MARCHF1: variants seen among roughly 807,000 people sequenced by gnomAD.
MARCHF1 encodes the protein E3 ubiquitin-protein ligase MARCHF1.
A neutral mutation model predicts 54.2 loss-of-function variants in MARCHF1; 40 were observed. That is an observed-to-expected ratio of 0.74 (90% confidence interval 0.57 to 0.96). MARCHF1 has a LOEUF of 0.96. Among genes scored for constraint, MARCHF1 ranks in the 40% least tolerant of loss-of-function variants. The pLI is 0.00. For missense variants in MARCHF1, 586 were observed against 656.5 expected, an observed-to-expected ratio of 0.89 and a Z score of 1.17; for synonymous variants, 236 against 236.3, an observed-to-expected ratio of 1.00 and a Z score of 0.01.
Position 163,720,693 on chromosome 4 carries a change from T to C in MARCHF1, c.112-19830A>G, listed in dbSNP as rs571747816. 3.3e-5 allele frequency among the ~76,000 whole-genome samples: 5 copies of C among 152,342 alleles called. No homozygotes were observed. The South Asian group carries it at 1.0e-3, about 32-fold the overall frequency. On this transcript the variant is annotated intron_variant, in intron 4 of 9. Coordinates refer to ENST00000514618, the MANE Select transcript of MARCHF1 (RefSeq NM_001394959.1). ...TGTTCTTTCATTTGTTTGTGTCCTC[T>C]TTTACTTCACTGAGCTGTGGTTTGT...
At chr4:163,784,070 C>T (rs1561075487) in intron 4 of MARCHF1, among the ~76,000 whole-genome samples, 1 of 151,968 alleles carries the variant, frequency 6.6e-6, no homozygotes, top group Non-Finnish European at 1.5e-5. Flanking sequence ...TGTGTTACAG[C>T]AGCACTCAAT....
chr4:163,557,948 T>G (rs2110965147), intron 8 of MARCHF1, among the ~76,000 whole-genome samples: 1 of 152,296 alleles, frequency 6.6e-6, no homozygotes, highest in East Asian at 1.9e-4. Flanking sequence ...GCAGGAAGGT[T>G]TAATATTCCC....
intron 2 of MARCHF1, among the ~76,000 whole-genome samples, chr4:163,994,364 T>G (rs1353315407): frequency 6.6e-6 from 1 of 150,952 alleles, no homozygotes; most frequent in Non-Finnish European, 1.5e-5. Flanking sequence ...TTCCATATTC[T>G]GAAACTTCAC....
At chr4:164,235,387 A>T (rs1732520553) in intron 1 of MARCHF1, among the ~76,000 whole-genome samples, 1 of 152,172 alleles carries the variant, frequency 6.6e-6, no homozygotes, top group Non-Finnish European at 1.5e-5. Context: ...TCAGAAAATT[A>T]TTGAACCCAA....
chr4:164,127,976 A>G (rs1756221628), intron 1 of MARCHF1, among the ~76,000 whole-genome samples: 1 of 152,210 alleles, frequency 6.6e-6, no homozygotes, highest in Admixed American at 6.5e-5. Flanking sequence ...GCCTCTGTAG[A>G]TAAAATAGGA....
At chr4:163,734,484 G>A (rs1246867258) in intron 4 of MARCHF1, among the ~76,000 whole-genome samples, 1 of 150,900 alleles carries the variant, frequency 6.6e-6, no homozygotes, top group Admixed American at 6.6e-5. Flanking sequence ...ATGAATGAAC[G>A]GCTGACACAC....
rs1320120608 is a variant in MARCHF1 at position 163,613,350 on chromosome 4, C to T, written c.206G>A (p.Arg69Lys). 3 of 1,613,012 alleles carry T rather than the reference C, an allele frequency of 1.9e-6. No homozygotes were observed. The highest frequency in any genetic ancestry group is 3.3e-5 in the Admixed American group (2 of 59,876). Residue 69 changes from arginine to lysine, a missense_variant, in exon 6 of 10, where the codon AGG becomes AAG. Physicochemically the swap from Arg to Lys is conservative, Grantham distance 26 (BLOSUM62 2). Transcript: ENST00000514618. ...CTGAGTGGATGGACAGACAGACAAC[C>T]TTGACTGGCTCCTGGGAGCTGTCCC... ...TTGTAPRSQS[R>K]LSVCPSTQDI... is the part of the protein sequence containing the mutation.
intron 1 of MARCHF1, among the ~76,000 whole-genome samples, chr4:164,218,450 G>A (rs1731993660): frequency 6.6e-6 from 1 of 152,162 alleles, no homozygotes; most frequent in African/African-American, 2.4e-5. Flanking sequence ...CACAGGAAAT[G>A]AAGCAATGAG....
intron 2 of MARCHF1, among the ~76,000 whole-genome samples, chr4:164,033,536 G>T (rs1579476998): frequency 1.3e-5 from 2 of 152,218 alleles, no homozygotes; most frequent in East Asian, 3.9e-4. Context: ...TCTGACAAAG[G>T]TCTAATATCC....
intron 4 of MARCHF1, among the ~76,000 whole-genome samples, chr4:163,702,305 C>G (rs1211955797): frequency 6.6e-6 from 1 of 152,158 alleles, no homozygotes; most frequent in Non-Finnish European, 1.5e-5. Flanking sequence ...AGGCACTTTT[C>G]TACTGACGTC....
At chr4:164,129,683 A>G (rs749827143) in intron 1 of MARCHF1, among the ~76,000 whole-genome samples, 29 of 152,192 alleles carry the variant, frequency 1.9e-4, no homozygotes, top group Non-Finnish European at 3.7e-4. Context: ...ATTCCATAGC[A>G]GTGAGTACAA....
intron 5 of MARCHF1, among the ~76,000 whole-genome samples, chr4:163,628,091 A>G (rs2110980821): frequency 6.6e-6 from 1 of 152,300 alleles, no homozygotes; most frequent in African/African-American, 2.4e-5. Context: ...TAGACAATAT[A>G]AAAATTAAAA....
intron 1 of MARCHF1, among the ~76,000 whole-genome samples, chr4:164,154,559 T>C (rs1301509871): frequency 6.6e-6 from 1 of 152,166 alleles, no homozygotes; most frequent in South Asian, 2.1e-4. Flanking sequence ...GGCTCTCTGT[T>C]CAGCCACCAC....
At chr4:164,081,607 T>C (rs1415159666) in intron 2 of MARCHF1, among the ~76,000 whole-genome samples, 1 of 152,068 alleles carries the variant, frequency 6.6e-6, no homozygotes, top group Admixed American at 6.6e-5. Flanking sequence ...CACAGGGCCT[T>C]TCCTGAGTTG....
intron 1 of MARCHF1, among the ~76,000 whole-genome samples, chr4:164,149,449 C>T (rs1463957418): frequency 6.6e-6 from 1 of 152,102 alleles, no homozygotes; most frequent in Admixed American, 6.6e-5. Flanking sequence ...AGTAAGAAGA[C>T]GTTTAAATGG....
chr4:163,688,373 C>T (rs1255611785), intron 5 of MARCHF1, among the ~76,000 whole-genome samples: 1 of 152,138 alleles, frequency 6.6e-6, no homozygotes, highest in Non-Finnish European at 1.5e-5. Flanking sequence ...AACCTGACTT[C>T]TTTGACTTTT....
intron 1 of MARCHF1, among the ~76,000 whole-genome samples, chr4:164,347,509 C>T (rs576550059): frequency 6.6e-6 from 1 of 152,268 alleles, no homozygotes; most frequent in Non-Finnish European, 1.5e-5. Flanking sequence ...ACTGTTCTTA[C>T]CTATTTTTAT....
At chr4:164,224,905 G>A (rs1334042707) in intron 1 of MARCHF1, among the ~76,000 whole-genome samples, 1 of 151,832 alleles carries the variant, frequency 6.6e-6, no homozygotes, top group South Asian at 2.1e-4. Flanking sequence ...AAAAGTTTAG[G>A]GTTTTTTTAA....
chr4:164,069,807 A>G (rs1754823336), intron 2 of MARCHF1, among the ~76,000 whole-genome samples: 1 of 152,228 alleles, frequency 6.6e-6, no homozygotes, highest in Non-Finnish European at 1.5e-5. Context: ...AAAAAGACAC[A>G]TGAACTTGTA....
Sources: gnomAD v4.1 joint callset for allele counts (sites outside exome capture counted in the v4.1 genomes callset) on GRCh38, gnomAD v4.1.1 for gene constraint, MANE v1.5 for transcripts, NCBI Gene and HGNC (gene_info 2026-07-23, HGNC 2026-07-21) for gene names.